TMEM74: variants seen among roughly 807,000 people sequenced by gnomAD.
TMEM74 encodes the protein transmembrane protein 74.
A neutral mutation model predicts 18.1 loss-of-function variants in TMEM74; 13 were observed. That is an observed-to-expected ratio of 0.72 (90% CI 0.47 to 1.14). The LOEUF (loss-of-function observed/expected upper bound fraction) is 1.14, where lower values mean the gene tolerates loss of function less well. TMEM74 is among the 50% of genes most tolerant of loss of function. TMEM74 has a pLI of 0.00. For synonymous variants in TMEM74, 159 were observed against 146.6 expected (o/e 1.08, Z -0.61); for missense variants, 372 against 375.9 (o/e 0.99, Z 0.09).
intron 1 of TMEM74, among the ~76,000 whole-genome samples, chr8:108,700,816 G>T (rs1813327873): frequency 6.6e-6 from 1 of 152,142 alleles, no homozygotes; most frequent in South Asian, 2.1e-4. Flanking sequence ...TTACACAGCT[G>T]GAGCATGGCA....
At chr8:108,754,251 T>A (rs779359704) in intron 1 of TMEM74, among the ~76,000 whole-genome samples, 3 of 152,134 alleles carry the variant, frequency 2.0e-5, no homozygotes, top group Non-Finnish European at 4.4e-5. Flanking sequence ...ATGCTAAAAT[T>A]CCATATGTAG....
intron 3 of TMEM74, among the ~76,000 whole-genome samples, chr8:108,608,396 C>A (rs1191802300): frequency 6.6e-6 from 1 of 151,838 alleles, no homozygotes; most frequent in Non-Finnish European, 1.5e-5. Flanking sequence ...GGATCTTATT[C>A]CCACCTACTA....
At chr8:108,694,068 T>C (rs1337693258) in intron 1 of TMEM74, among the ~76,000 whole-genome samples, 1 of 152,258 alleles carries the variant, frequency 6.6e-6, no homozygotes, top group Non-Finnish European at 1.5e-5. Context: ...ATGCATAGAA[T>C]GTATAGTGGT....
chr8:108,647,733 G>C (rs912155732), intron 2 of TMEM74, among the ~76,000 whole-genome samples: 1 of 152,002 alleles, frequency 6.6e-6, no homozygotes, highest in Non-Finnish European at 1.5e-5. Context: ...GAAAAACTAA[G>C]AGCCATTTTT....
intron 1 of TMEM74, among the ~76,000 whole-genome samples, chr8:108,673,102 T>G (rs1014782960): frequency 5.1e-4 from 77 of 152,304 alleles, no homozygotes; most frequent in Middle Eastern, 3.4e-3. Flanking sequence ...CTAAGAAAAT[T>G]GGATCCACTG....
At chr8:108,720,505 A>G (rs1386071146) in intron 1 of TMEM74, among the ~76,000 whole-genome samples, 1 of 152,206 alleles carries the variant, frequency 6.6e-6, no homozygotes, top group Non-Finnish European at 1.5e-5. Flanking sequence ...TGCTTTATGA[A>G]TAATTGATCT....
intron 1 of TMEM74, among the ~76,000 whole-genome samples, chr8:108,686,202 T>TTTTTG (rs1323441849): frequency 2.0e-5 from 3 of 152,112 alleles, no homozygotes; most frequent in South Asian, 2.1e-4. Flanking sequence ...TATACTTCTT[T>TTTTTG]TTTTGTTTTG....
At chr8:108,610,579 A>T (rs1465546240) in intron 2 of TMEM74, among the ~76,000 whole-genome samples, 1 of 152,210 alleles carries the variant, frequency 6.6e-6, no homozygotes, top group Non-Finnish European at 1.5e-5. Context: ...CTAGTTGAGA[A>T]TGTGACATTT....
chr8:108,748,043 T>C (rs1318101137), intron 1 of TMEM74, among the ~76,000 whole-genome samples: 1 of 152,172 alleles, frequency 6.6e-6, no homozygotes, highest in Non-Finnish European at 1.5e-5. Context: ...TCTGTCTTTA[T>C]AGTAGAAGAA....
At chr8:108,755,597 G>A (rs1261066063) in intron 1 of TMEM74, among the ~76,000 whole-genome samples, 2 of 151,976 alleles carry the variant, frequency 1.3e-5, no homozygotes, top group African/African-American at 2.4e-5. Context: ...TGAGATTTTT[G>A]TATTAAAATA....
In TMEM74 at chr8:108,784,440, T is replaced by C. The variant is rs1193309956; in HGVS notation, c.659A>G (p.Glu220Gly). ...AAREMERLEKESARLGAHLDR... is the reference protein window; with the variant it reads ...AAREMERLEKGSARLGAHLDR... ...CAGGTGAGCCCCCAGCCTCGCACTCTCCTTCTCCAGGCGCTCCATCTCCCG... is the reference window on the plus strand; with the variant it reads ...CAGGTGAGCCCCCAGCCTCGCACTCCCCTTCTCCAGGCGCTCCATCTCCCG... The change falls in exon 2 of 2, where the codon GAG becomes GGG. Residue 220 changes from glutamate to glycine, a missense_variant. Physicochemically the swap from Glu to Gly is moderately conservative, Grantham distance 98. Coordinates refer to ENST00000297459, the MANE Select transcript of TMEM74 (RefSeq NM_153015.3). The C allele has an allele frequency of 6.2e-7, 1 of 1,614,144 alleles. No homozygotes were observed. Among genetic ancestry groups the C allele is most frequent in the Admixed American group, 1.7e-5 (1 of 60,010 alleles).
intron 2 of TMEM74, among the ~76,000 whole-genome samples, chr8:108,622,951 G>A (rs145711869): frequency 2.8e-4 from 43 of 152,084 alleles, no homozygotes; most frequent in African/African-American, 1.0e-3. Context: ...AATATGGTAT[G>A]TACATTCAAA....
chr8:108,660,933 A>G (rs1812894079), intron 1 of TMEM74, among the ~76,000 whole-genome samples: 1 of 152,156 alleles, frequency 6.6e-6, no homozygotes, highest in Non-Finnish European at 1.5e-5. Context: ...ATCTGTGATC[A>G]AGGGAAATAA....
chr8:108,694,187 A>G (rs1000691841), intron 1 of TMEM74, among the ~76,000 whole-genome samples: 48 of 152,216 alleles, frequency 3.2e-4, no homozygotes, highest in African/African-American at 1.2e-3. Flanking sequence ...AAAGTGTACA[A>G]TCAATGGCAT....
At chr8:108,618,549 T>A (rs1482670611) in intron 2 of TMEM74, among the ~76,000 whole-genome samples, 2 of 152,176 alleles carry the variant, frequency 1.3e-5, no homozygotes, top group Non-Finnish European at 2.9e-5. Flanking sequence ...GCTCTGTGGC[T>A]GGTTATCAGT....
intron 2 of TMEM74, among the ~76,000 whole-genome samples, chr8:108,637,511 G>A (rs566421575): frequency 3.3e-5 from 5 of 152,210 alleles, no homozygotes; most frequent in African/African-American, 9.6e-5. Context: ...TATAAGGCAG[G>A]CAGAAAGGTC....
At chr8:108,757,205 G>T (rs879384550) in intron 1 of TMEM74, among the ~76,000 whole-genome samples, 3 of 151,718 alleles carry the variant, frequency 2.0e-5, no homozygotes, top group Non-Finnish European at 4.4e-5. Context: ...CCTCATCCAG[G>T]TATTTCTTAC....
chr8:108,720,085 T>C (rs1398933448), intron 1 of TMEM74, among the ~76,000 whole-genome samples: 3 of 152,160 alleles, frequency 2.0e-5, no homozygotes, highest in Non-Finnish European at 2.9e-5. Context: ...TTTTAACAAA[T>C]ACAATGTTCT....
chr8:108,776,140 C>T (rs758991238), downstream of TMEM74, among the ~76,000 whole-genome samples: 2 of 152,188 alleles, frequency 1.3e-5, no homozygotes, highest in Non-Finnish European at 2.9e-5. Context: ...ATGTTAAAAA[C>T]AATTCAACCA....
Sources: allele counts gnomAD v4.1 joint callset (sites outside exome capture counted in the v4.1 genomes callset), GRCh38; gene constraint gnomAD v4.1.1; transcripts MANE v1.5; gene names NCBI Gene and HGNC (gene_info 2026-07-23, HGNC 2026-07-21).